The following THRAP3 variants were observed in gnomAD, a reference collection of about 807,000 sequenced individuals.
The protein encoded by THRAP3 is thyroid hormone receptor associated protein 3.
Under a neutral mutation model 101.0 loss-of-function variants are expected in THRAP3, and 16 were observed. The ratio of observed to expected loss-of-function variants is 0.16; its 90% CI spans 0.11 to 0.24. The LOEUF is 0.24. Ranked by LOEUF, THRAP3 falls within the 10% of genes least tolerant of loss-of-function variation. The probability of loss-of-function intolerance (pLI) is 1.00; values close to 1 mark genes in which losing one functional copy is unlikely to be tolerated. For synonymous variants in THRAP3, 407 were observed against 422.6 expected, an observed-to-expected ratio of 0.96 and a Z score of 0.45; for missense variants, 989 against 1,202.7, an observed-to-expected ratio of 0.82 and a Z score of 2.63.
intron 3 of THRAP3, among the ~76,000 whole-genome samples, chr1:36,284,828 T>A (rs945627587): frequency 2.6e-5 from 4 of 152,244 alleles, no homozygotes; most frequent in Non-Finnish European, 4.4e-5. Context: ...CCCTCAAGCA[T>A]AGCCCTTTAA....
At chr1:36,236,703 C>A (rs1215771064) in intron 1 of THRAP3, among the ~76,000 whole-genome samples, 1 of 152,210 alleles carries the variant, frequency 6.6e-6, no homozygotes, top group Non-Finnish European at 1.5e-5. Flanking sequence ...TTTCCTTTGT[C>A]ATTTATGTAT....
chr1:36,277,331 A>G (rs2124563314), intron 2 of THRAP3, among the ~76,000 whole-genome samples: 1 of 151,386 alleles, frequency 6.6e-6, no homozygotes, highest in African/African-American at 2.4e-5. Flanking sequence ...GCTGGAGTGC[A>G]GTGGTGTACA....
rs1004620954 is a variant in THRAP3, at chr1:36,301,633, A to G, written c.2583A>G (p.Gln861=). 1.9e-6 allele frequency: 3 copies of G among 1,614,090 alleles called. No individual in the cohort carries two copies. The highest frequency in any genetic ancestry group is 2.5e-6 in the Non-Finnish European group (3 of 1,180,044). Residue 861 remains glutamine, a synonymous_variant, in exon 11 of 12, where the codon CAA becomes CAG. Transcript: ENST00000354618. The part of the protein sequence containing the change: ...NNNNNSNNDF[Q]KRNREEEWDP... Reference sequence around the variant, plus strand: ...ACAACAACAGCAACAACGATTTTCAAAAAAGAAACCGGGAAGAGGAGTGGG... The same window carrying G: ...ACAACAACAGCAACAACGATTTTCAGAAAAGAAACCGGGAAGAGGAGTGGG...
chr1:36,261,635 G>A (rs1200826854), intron 2 of THRAP3, among the ~76,000 whole-genome samples: 1 of 152,202 alleles, frequency 6.6e-6, no homozygotes, highest in African/African-American at 2.4e-5. Flanking sequence ...CTGATCACAT[G>A]TATCTGGACT....
Position 36,303,943 on chromosome 1 carries a change from G to A in THRAP3, c.2794G>A (p.Gly932Arg). 1.2e-6 allele frequency: 2 copies of A among 1,612,818 alleles called. No individual in the cohort carries two copies. Among genetic ancestry groups the A allele is most frequent in the Non-Finnish European group, 1.7e-6 (2 of 1,179,452 alleles). ...CCATGACAAGTTCAGTGGGGAGGAA[G>A]GGGAGATTGAAGACGACGAGAGTGG... is the stretch of plus-strand genomic sequence containing the variant. ...WAHDKFSGEE[G>R]EIEDDESGTE... The change falls in exon 12 of 12, where the codon GGG becomes AGG. Residue 932 changes from glycine to arginine, a missense_variant. Coordinates refer to ENST00000354618, the MANE Select transcript of THRAP3 (RefSeq NM_005119.4).
intron 2 of THRAP3, among the ~76,000 whole-genome samples, chr1:36,278,012 C>T (rs1645683074): frequency 6.6e-6 from 1 of 151,332 alleles, no homozygotes; most frequent in African/African-American, 2.4e-5. Flanking sequence ...ATCCACCTGC[C>T]TTGGCCTCTC....
chr1:36,278,698 C>T (rs998011485), intron 2 of THRAP3, among the ~76,000 whole-genome samples: 2 of 152,004 alleles, frequency 1.3e-5, no homozygotes, highest in Admixed American at 6.6e-5. Context: ...CCGAGGTGGG[C>T]GGATCACGAA....
chr1:36,301,178 A>T, intron 10 of THRAP3, 94 bp downstream of exon 10: 1 of 1,272,688 alleles, frequency 7.9e-7, no homozygotes, highest in Non-Finnish European at 1.1e-6. Flanking sequence ...TGCCTTTGAC[A>T]TAAGTAATCC....
rs35044010 is a variant in THRAP3, at chr1:36,229,951, C to CT, written c.-135+5467dup. On this transcript the variant is annotated intron_variant, in intron 1 of 11. Transcript: ENST00000354618. Reference sequence around the variant, plus strand: ...ATAGGCGTGAGCCATCGCGCCCAGCCTTTTTTTTTTTTTTTTTTTTTGAGA... The same window carrying CT: ...ATAGGCGTGAGCCATCGCGCCCAGCCTTTTTTTTTTTTTTTTTTTTTTGAGA... 2.5e-3 allele frequency among the ~76,000 whole-genome samples: 147 copies of CT among 59,256 alleles called. 2 individuals are homozygous for CT. The highest frequency in any genetic ancestry group is 7.2e-3 in the African/African-American group (120 of 16,556). 38.9% of individuals were successfully genotyped at this position (59,256 alleles called of 152,430 possible). A position where few individuals can be genotyped will look rare whatever the true frequency, so the allele number is the denominator to read the frequency against.
chr1:36,292,200 G>T (rs6693113), intron 6 of THRAP3, among the ~76,000 whole-genome samples: 67,221 of 145,366 alleles, frequency 0.46, 16,379 homozygotes, highest in East Asian at 0.73. Context: ...CTGTGGTTAC[G>T]GGTTCCTGCA....
rs139780156 is a variant in THRAP3 at position 36,258,593 on chromosome 1, A to G, written c.-134-789A>G. ...TGGGTTCACGCCACTCTCCCACCTC[A>G]GCCTCCTGAGTAGCTGAGACTACAG... On this transcript the variant is annotated intron_variant, in intron 1 of 11. Coordinates refer to ENST00000354618, the MANE Select transcript of THRAP3 (RefSeq NM_005119.4). Among the ~76,000 whole-genome samples, 746 of 152,182 alleles carry G rather than the reference A, an allele frequency of 4.9e-3. 11 individuals carry two copies. Among genetic ancestry groups the G allele is most frequent in the African/African-American group, 0.017 (695 of 41,524 alleles).
At chr1:36,243,598 C>T (rs1056689936) in intron 1 of THRAP3, among the ~76,000 whole-genome samples, 7 of 152,052 alleles carry the variant, frequency 4.6e-5, no homozygotes, top group African/African-American at 1.7e-4. Flanking sequence ...TGTCTACCTC[C>T]TTCTACACAG....
At chr1:36,236,281 T>A (rs1645087669) in intron 1 of THRAP3, among the ~76,000 whole-genome samples, 1 of 151,646 alleles carries the variant, frequency 6.6e-6, no homozygotes, top group Admixed American at 6.6e-5. Context: ...CCTTTATGTC[T>A]CTCCATTTCC....
chr1:36,276,791 A>G (rs1249507738), intron 2 of THRAP3, among the ~76,000 whole-genome samples: 1 of 151,742 alleles, frequency 6.6e-6, no homozygotes, highest in Non-Finnish European at 1.5e-5. Flanking sequence ...GGGGAGGTGG[A>G]GGCTGCAGTG....
At chr1:36,271,036 C>T (rs1570301532) in intron 2 of THRAP3, among the ~76,000 whole-genome samples, 1 of 152,080 alleles carries the variant, frequency 6.6e-6, no homozygotes, top group East Asian at 1.9e-4. Context: ...GTGCTCCTGC[C>T]CTTTCTTCCC....
chr1:36,292,942 C>T (rs1413294233), intron 7 of THRAP3, among the ~76,000 whole-genome samples: 1 of 151,722 alleles, frequency 6.6e-6, no homozygotes, highest in Non-Finnish European at 1.5e-5. Context: ...CATAGATTAA[C>T]TCCTATATTC....
chr1:36,295,605 C>T (rs1645938748), intron 8 of THRAP3, among the ~76,000 whole-genome samples: 1 of 151,482 alleles, frequency 6.6e-6, no homozygotes, highest in Non-Finnish European at 1.5e-5. Flanking sequence ...CCCTCCCTTC[C>T]TTCTTCCCTC....
intron 1 of THRAP3, among the ~76,000 whole-genome samples, chr1:36,252,010 GACTT>G (rs1190714133): frequency 6.6e-6 from 1 of 152,152 alleles, no homozygotes; most frequent in Non-Finnish European, 1.5e-5. Flanking sequence ...ACTAATTACT[GACTT>G]TTATTTGTTT....
intron 8 of THRAP3, among the ~76,000 whole-genome samples, chr1:36,295,855 G>A (rs1645942343): frequency 6.7e-6 from 1 of 149,054 alleles, no homozygotes; most frequent in Non-Finnish European, 1.5e-5. Flanking sequence ...GGATACTACA[G>A]TATAGGTAGG....
Sources: allele counts gnomAD v4.1 joint callset (sites outside exome capture counted in the v4.1 genomes callset), GRCh38; gene constraint gnomAD v4.1.1; transcripts MANE v1.5; gene names NCBI Gene and HGNC (gene_info 2026-07-23, HGNC 2026-07-21).